The following MORC2 variants were observed in gnomAD, a reference collection of about 807,000 sequenced individuals.
MORC2 encodes the protein MORC family CW-type zinc finger 2, also known as ATPase MORC2.
Under a neutral mutation model 136.0 loss-of-function variants are expected in MORC2, and 30 were observed. The ratio of observed to expected loss-of-function variants is 0.22; its 90% CI spans 0.17 to 0.30. The LOEUF (loss-of-function observed/expected upper bound fraction) is 0.30. Ranked by LOEUF, MORC2 falls within the 10% of genes least tolerant of loss-of-function variation. The pLI, the probability that MORC2 is intolerant of heterozygous loss-of-function variation, is 1.00. For missense variants in MORC2, 922 were observed against 1,333.1 expected, an observed-to-expected ratio of 0.69 and a Z score of 4.80; for synonymous variants, 439 against 487.0, an observed-to-expected ratio of 0.90 and a Z score of 1.30.
rs560820791 is a variant in MORC2 at position 30,957,183 on chromosome 22, C to T, written c.123-386G>A. Among the ~76,000 whole-genome samples, 4 of 152,268 alleles carry T rather than the reference C, an allele frequency of 2.6e-5. No homozygotes were observed. The South Asian group carries it at 6.2e-4, about 24-fold the overall frequency. On this transcript the variant is annotated intron_variant, in intron 2 of 25. Transcript: ENST00000397641. The stretch of plus-strand genomic sequence containing the variant: ...TAAAAAGATGTTCCAATAACTTGTC[C>T]ACTTTTTCTTCTCGTCAATATTTTA...
chr22:30,945,497 G>GC (rs1332155043), intron 6 of MORC2, among the ~76,000 whole-genome samples: 2 of 152,058 alleles, frequency 1.3e-5, no homozygotes, highest in Admixed American at 6.6e-5. Context: ...GAACCTCTTA[G>GC]CCCCCCTTCT....
chr22:30,967,719 C>T (rs543673651), intron 1 of MORC2, 103 bp downstream of exon 1: 4 of 1,524,324 alleles, frequency 2.6e-6, no homozygotes, highest in East Asian at 2.5e-5. Context: ...CAGTGGGATA[C>T]ATCTCAAAAA....
chr22:30,930,725 T>C (rs2040563328), intron 24 of MORC2, among the ~76,000 whole-genome samples: 1 of 152,190 alleles, frequency 6.6e-6, no homozygotes, highest in African/African-American at 2.4e-5. Flanking sequence ...CCATTGTCTT[T>C]TCTCTAGAAC....
Position 30,927,985 on chromosome 22 carries a change from G to A in MORC2, c.3030+34C>T, listed in dbSNP as rs1190127824. 1.9e-6 allele frequency: 3 copies of A among 1,610,338 alleles called. 1 individual carries two copies. The South Asian group carries it at 3.3e-5, about 18-fold the overall frequency. On this transcript the variant is annotated intron_variant, in intron 25 of 25. Coordinates refer to ENST00000397641, the MANE Select transcript of MORC2 (RefSeq NM_001303256.3). ...GGCCCCCCTCCCTGAGAGACCAGGT[G>A]GTCCAGCTGCAACAGGAAGGCTGCC...
intron 5 of MORC2, among the ~76,000 whole-genome samples, chr22:30,946,751 C>A (rs1030686401): frequency 2.6e-5 from 4 of 152,152 alleles, no homozygotes; most frequent in Non-Finnish European, 4.4e-5. Flanking sequence ...GACCACCAGC[C>A]CCAGGTTAGT....
At chr22:30,940,476 C>CAA (rs1437001256) in intron 10 of MORC2, among the ~76,000 whole-genome samples, 2 of 152,146 alleles carry the variant, frequency 1.3e-5, no homozygotes, top group Admixed American at 6.5e-5. Context: ...CAAGTATTTG[C>CAA]ACCAGAGAAC....
intron 1 of MORC2, among the ~76,000 whole-genome samples, chr22:30,960,959 G>C (rs566734088): frequency 6.6e-6 from 1 of 152,138 alleles, no homozygotes; most frequent in South Asian, 2.1e-4. Context: ...TCTGCCTCCA[G>C]GGTTCAAGCA....
intron 1 of MORC2, among the ~76,000 whole-genome samples, chr22:30,960,658 T>C (rs2041030337): frequency 6.6e-6 from 1 of 151,206 alleles, no homozygotes; most frequent in South Asian, 2.1e-4. Flanking sequence ...CCGGCTAATT[T>C]TTTTGTATTT....
intron 10 of MORC2, among the ~76,000 whole-genome samples, chr22:30,940,503 A>C (rs554087121): frequency 1.3e-5 from 2 of 152,194 alleles, no homozygotes; most frequent in South Asian, 4.1e-4. Flanking sequence ...GGATTCTTCA[A>C]TTGGGATAAG....
chr22:30,933,345 C>G, intron 21 of MORC2, 121 bp downstream of exon 21: 1 of 1,117,950 alleles, frequency 8.9e-7, no homozygotes, highest in South Asian at 1.5e-5. Flanking sequence ...CACTGCTGCA[C>G]AAGAGCCCAG....
chr22:30,931,971 C>T (rs2040582039), intron 24 of MORC2, among the ~76,000 whole-genome samples: 1 of 152,238 alleles, frequency 6.6e-6, no homozygotes, highest in African/African-American at 2.4e-5. Context: ...TTCTGAGAGT[C>T]AAGTTCTATG....
intron 2 of MORC2, 24 bp downstream of exon 2, chr22:30,958,617 A>C: frequency 6.5e-7 from 1 of 1,536,420 alleles, no homozygotes; most frequent in East Asian, 2.5e-5. Flanking sequence ...TCAAGCACAG[A>C]TTGTATGCCT....
Position 30,934,921 on chromosome 22 carries a change from C to A in MORC2, c.2053G>T (p.Ala685Ser). Residue 685 changes from alanine (A) to serine (S), a missense_variant, in exon 19 of 26, where the codon GCA becomes TCA. Transcript: ENST00000397641. This position sits in a 1 kb window ranked among gnomAD's most constrained non-coding sequence, Gnocchi z 4.4. Reference sequence around the variant, plus strand: ...TGCACCAGAGGGGCAGGTCGGGATGCAGTCTTGACGAGAGTGTTGGCAGGC... The same window carrying A: ...TGCACCAGAGGGGCAGGTCGGGATGAAGTCTTGACGAGAGTGTTGGCAGGC... ...RKPANTLVKTASRPAPLVQQL... is the reference protein window; with the variant it reads ...RKPANTLVKTSSRPAPLVQQL... 6.2e-7 allele frequency: 1 copy of A among 1,614,124 alleles called. No individual in the cohort carries two copies. Among genetic ancestry groups the A allele is most frequent in the Non-Finnish European group, 8.5e-7 (1 of 1,180,036 alleles).
chr22:30,956,844 A>T, intron 2 of MORC2, 47 bp from the exon 3 acceptor site: 1 of 1,438,838 alleles, frequency 7.0e-7, no homozygotes, highest in Non-Finnish European at 9.6e-7. Context: ...ATGAAATATC[A>T]ACCATCAAAA....
At chr22:30,963,995 T>G (rs1357731594) in intron 1 of MORC2, among the ~76,000 whole-genome samples, 1 of 152,204 alleles carries the variant, frequency 6.6e-6, no homozygotes, top group Non-Finnish European at 1.5e-5. Flanking sequence ...CTCAACAGCC[T>G]TAAAGTAATA....
At chr22:30,933,623 C>T (rs566901801) in intron 20 of MORC2, 103 bp from the exon 21 acceptor site, 1 of 1,156,536 alleles carries the variant, frequency 8.6e-7, no homozygotes, top group Non-Finnish European at 1.3e-6. Context: ...TTCACGACTT[C>T]CTGTGCTACA....
chr22:30,942,914 A>G (rs2040761794), intron 6 of MORC2, among the ~76,000 whole-genome samples: 2 of 152,196 alleles, frequency 1.3e-5, no homozygotes, highest in African/African-American at 4.8e-5. Context: ...CTGAGACAGG[A>G]GAATTGCTTG....
chr22:30,932,539 A>G lies in MORC2; in HGVS notation c.2747+6T>C, dbSNP rs368417146. On this transcript the variant is annotated splice_donor_region_variant and intron_variant, in intron 23 of 25. Coordinates refer to ENST00000397641, the MANE Select transcript of MORC2 (RefSeq NM_001303256.3). The surrounding 1 kb of genome is among the most constrained non-coding windows in gnomAD (Gnocchi z 4.4). ...CCTGGGGTGGGAAGACAAAAGACAC[A>G]TGTACCGGAGGATCTGGACAAGCAG... 18 of 1,612,062 alleles carry G rather than the reference A, an allele frequency of 1.1e-5. No individual in the cohort carries two copies. Among genetic ancestry groups the G allele is most frequent in the Admixed American group, 3.3e-5 (2 of 59,906 alleles).
At chr22:30,940,204 G>A (rs999896550) in intron 10 of MORC2, among the ~76,000 whole-genome samples, 163 bp from the exon 11 acceptor site, 1 of 152,054 alleles carries the variant, frequency 6.6e-6, no homozygotes, top group Non-Finnish European at 1.5e-5. Context: ...CTCTGTGCCT[G>A]GACGGCAGTC....
Sources: gnomAD v4.1 joint callset for allele counts (sites outside exome capture counted in the v4.1 genomes callset) on GRCh38, gnomAD v4.1.1 for gene constraint, Gnocchi (gnomAD v3.1) non-coding constraint, MANE v1.5 for transcripts, NCBI Gene and HGNC (gene_info 2026-07-23, HGNC 2026-07-21) for gene names.